The following COQ10B variants were observed in gnomAD, a reference collection of about 807,000 sequenced individuals.
COQ10B encodes coenzyme Q10B.
COQ10B carries 12 observed loss-of-function variants against 27.6 expected under a neutral mutation model. The observed-to-expected ratio is 0.43, with a 90% CI of 0.28 to 0.70. COQ10B has a LOEUF of 0.70. COQ10B is among the 30% of genes least tolerant of loss of function. COQ10B has a pLI of 0.17. For missense variants in COQ10B, 278 were observed against 288.7 expected (o/e 0.96, Z 0.27); for synonymous variants, 115 against 103.0 (o/e 1.12, Z -0.71).
chr2:197,461,984 T>A (rs992299048), intron 2 of COQ10B, among the ~76,000 whole-genome samples: 3 of 151,860 alleles, frequency 2.0e-5, no homozygotes, highest in African/African-American at 7.3e-5. Context: ...AAACTACCTC[T>A]TTAGGCCGGG....
chr2:197,473,402 CA>C (rs1208430482), intron 4 of COQ10B, among the ~76,000 whole-genome samples: 946 of 45,658 alleles, frequency 0.021, 18 homozygotes, highest in African/African-American at 0.044. Context: ...CCCCCCCCCA[CA>C]AAAAAAAAAA....
chr2:197,457,768 C>T (rs1051573815), intron 1 of COQ10B, among the ~76,000 whole-genome samples: 3 of 151,756 alleles, frequency 2.0e-5, no homozygotes, highest in Non-Finnish European at 4.4e-5. Context: ...ATTACAGGCA[C>T]GTGCCACCAC....
chr2:197,453,592 G>C lies in COQ10B; in HGVS notation c.32G>C (p.Arg11Thr). Residue 11 changes from arginine (R) to threonine (T), a missense_variant, in exon 1 of 5, where the codon AGA (arginine) becomes ACA (threonine). Arg to Thr is a moderately conservative substitution (Grantham distance 71, BLOSUM62 -1). Transcript: ENST00000263960. MAARTGHTAL[R>T]RVVSGCRPKS... Reference sequence around the variant, plus strand: ...GCTCGGACTGGTCATACGGCCTTGAGAAGGGTAGTCTCGGGATGCCGTCCG... The same window carrying C: ...GCTCGGACTGGTCATACGGCCTTGACAAGGGTAGTCTCGGGATGCCGTCCG... 3 of 1,614,128 alleles carry C rather than the reference G, an allele frequency of 1.9e-6. No homozygotes were observed. The highest frequency in any genetic ancestry group is 2.5e-6 in the Non-Finnish European group (3 of 1,180,006).
intron 4 of COQ10B, among the ~76,000 whole-genome samples, chr2:197,473,415 A>AAAAAATATATAT (rs1229206676): frequency 1.2e-4 from 7 of 59,496 alleles, no homozygotes; most frequent in Non-Finnish European, 1.8e-4. Flanking sequence ...AAAAAAAAAA[A>AAAAAATATATAT]ATATATATAT....
At chr2:197,466,112 AAAAC>A (rs2085822682) in intron 3 of COQ10B, among the ~76,000 whole-genome samples, 1 of 152,124 alleles carries the variant, frequency 6.6e-6, no homozygotes, top group Non-Finnish European at 1.5e-5. Flanking sequence ...ACACAAAACA[AAAAC>A]AAAACCACAC....
At position 197,460,107 on chromosome 2, in the gene COQ10B, A is replaced by G. The variant is rs200568950; in HGVS notation, c.254+26A>G. On this transcript the variant is annotated intron_variant, in intron 2 of 4. Coordinates refer to ENST00000263960, the MANE Select transcript of COQ10B (RefSeq NM_025147.5). The stretch of plus-strand genomic sequence containing the variant: ...GTTCGTATATGATAAGAATTCTACT[A>G]AAAGAGCATGTTCACAATTTTCCGT... 9.9e-5 allele frequency: 152 copies of G among 1,540,640 alleles called. 1 individual carries two copies. The highest frequency in any genetic ancestry group is 1.3e-4 in the Non-Finnish European group (150 of 1,126,976).
intron 1 of COQ10B, 71 bp from the exon 2 acceptor site, chr2:197,459,861 T>TATA: frequency 8.5e-7 from 1 of 1,179,194 alleles, no homozygotes; most frequent in East Asian, 2.6e-5. Flanking sequence ...AATTACTTTA[T>TATA]AGTTTCTATA....
At chr2:197,473,084 T>C (rs1299133325) in intron 4 of COQ10B, among the ~76,000 whole-genome samples, 2 of 152,178 alleles carry the variant, frequency 1.3e-5, no homozygotes, top group South Asian at 2.1e-4. Context: ...TGAGATTTCA[T>C]TGGCCTTCTT....
Position 197,470,129 on chromosome 2 carries a change from A to C in COQ10B, c.507A>C (p.Pro169=). The change falls in exon 4 of 5, where the codon CCA becomes CCC. Residue 169 remains proline (P), a synonymous_variant. Transcript: ENST00000263960. ...TGGAGACTATTTGGCGTTTTAGCCC[A>C]GGTCTTCCTGGCTACCCAAGAACTT... ...NHLETIWRFS[P]GLPGYPRTCT... is the part of the protein sequence containing the mutation. 6.2e-7 allele frequency: 1 copy of C among 1,613,402 alleles called. No homozygotes were observed. Among genetic ancestry groups the C allele is most frequent in the South Asian group, 1.1e-5 (1 of 91,046 alleles).
At chr2:197,454,520 A>G (rs370890082) in intron 1 of COQ10B, among the ~76,000 whole-genome samples, 3 of 152,164 alleles carry the variant, frequency 2.0e-5, no homozygotes, top group East Asian at 1.9e-4. Context: ...AAGAATTTTT[A>G]AAAACACCAA....
At position 197,453,676 on chromosome 2, in the gene COQ10B, C is replaced by T. The variant is rs372358325; in HGVS notation, c.104+12C>T. 1.0e-5 allele frequency: 16 copies of T among 1,605,906 alleles called. No homozygotes were observed. The African/African-American group carries it at 1.9e-4, about 19-fold the overall frequency. ...GTGCGGAATGGCAGGTAATCAACAG[C>T]GGGGGCGCTGAGACGAGAGTAGTTT... On this transcript the variant is annotated intron_variant, in intron 1 of 4. Transcript: ENST00000263960.
chr2:197,470,345 G>A (rs926465414), intron 4 of COQ10B, among the ~76,000 whole-genome samples, 174 bp downstream of exon 4: 10 of 152,066 alleles, frequency 6.6e-5, no homozygotes, highest in Admixed American at 5.9e-4. Flanking sequence ...CCTTCATTCT[G>A]TTTTTTACAA....
At chr2:197,459,144 G>A (rs1160165591) in intron 1 of COQ10B, among the ~76,000 whole-genome samples, 1 of 152,146 alleles carries the variant, frequency 6.6e-6, no homozygotes, top group Non-Finnish European at 1.5e-5. Context: ...GGAGAACGCA[G>A]CAACAGTTGG....
At chr2:197,467,527 G>A (rs771166708) in intron 3 of COQ10B, among the ~76,000 whole-genome samples, 3 of 152,052 alleles carry the variant, frequency 2.0e-5, no homozygotes, top group African/African-American at 4.8e-5. Flanking sequence ...AAAGGCATGC[G>A]CCACCACGCC....
At chr2:197,454,653 C>T (rs1019433478) in intron 1 of COQ10B, among the ~76,000 whole-genome samples, 2 of 152,008 alleles carry the variant, frequency 1.3e-5, no homozygotes, top group African/African-American at 4.8e-5. Context: ...CGCCATCATA[C>T]TTGAGATCTG....
intron 1 of COQ10B, among the ~76,000 whole-genome samples, chr2:197,454,577 A>C (rs928184020): frequency 1.3e-5 from 2 of 152,234 alleles, no homozygotes; most frequent in Admixed American, 1.3e-4. Flanking sequence ...TGGATGAGAC[A>C]AACAAAATCA....
intron 3 of COQ10B, among the ~76,000 whole-genome samples, chr2:197,464,066 T>TATATAC (rs1553574174): frequency 9.3e-6 from 1 of 107,280 alleles, no homozygotes; most frequent in East Asian, 2.7e-4. Flanking sequence ...TATATATATA[T>TATATAC]ACACACACAC....
At chr2:197,459,753 T>G (rs1466096373) in intron 1 of COQ10B, among the ~76,000 whole-genome samples, 179 bp from the exon 2 acceptor site, 1 of 152,128 alleles carries the variant, frequency 6.6e-6, no homozygotes, top group Admixed American at 6.6e-5. Context: ...TTTTTGTTTT[T>G]TTTTTTTACA....
chr2:197,473,415 A>AAATATATATAT (rs1229206676), intron 4 of COQ10B, among the ~76,000 whole-genome samples: 9 of 59,516 alleles, frequency 1.5e-4, no homozygotes, highest in Non-Finnish European at 2.3e-4. Flanking sequence ...AAAAAAAAAA[A>AAATATATATAT]ATATATATAT....
Sources: gnomAD v4.1 joint callset for allele counts (sites outside exome capture counted in the v4.1 genomes callset) on GRCh38, gnomAD v4.1.1 for gene constraint, MANE v1.5 for transcripts, NCBI Gene and HGNC (gene_info 2026-07-23, HGNC 2026-07-21) for gene names.